TLK1: variants seen among roughly 807,000 people sequenced by gnomAD.
TLK1 encodes tousled like kinase 1.
Under a neutral mutation model 105.3 loss-of-function variants are expected in TLK1, and 24 were observed. The ratio of observed to expected loss-of-function variants is 0.23; its 90% CI spans 0.17 to 0.32. The LOEUF (loss-of-function observed/expected upper bound fraction) is 0.32, where lower values mean the gene tolerates loss of function less well. Ranked by LOEUF, TLK1 falls within the 10% of genes least tolerant of loss-of-function variation. TLK1 has a pLI of 1.00. For synonymous variants in TLK1, 321 were observed against 310.4 expected (o/e 1.03, Z -0.36); for missense variants, 558 against 910.5 (o/e 0.61, Z 4.98).
chr2:171,183,941 C>T (rs4365428), intron 1 of TLK1, among the ~76,000 whole-genome samples: 6,864 of 152,134 alleles, frequency 0.045, 455 homozygotes, highest in East Asian at 0.29. Flanking sequence ...GGATATGTTA[C>T]CTTACATAGC....
intron 5 of TLK1, among the ~76,000 whole-genome samples, chr2:171,056,855 G>C (rs115076575): frequency 0.036 from 5,412 of 151,878 alleles, 119 homozygotes; most frequent in Non-Finnish European, 0.055. Context: ...TTCCTCCAAA[G>C]CAATAAACAT....
At chr2:170,996,290 C>T (rs906881888) in intron 20 of TLK1, among the ~76,000 whole-genome samples, 3 of 152,182 alleles carry the variant, frequency 2.0e-5, no homozygotes, top group African/African-American at 4.8e-5. Context: ...TGAGCCACCA[C>T]GCCCAGCCTT....
chr2:171,033,389 TAGAG>T (rs1477441146), intron 11 of TLK1, among the ~76,000 whole-genome samples: 1 of 151,002 alleles, frequency 6.6e-6, no homozygotes, highest in Non-Finnish European at 1.5e-5. Flanking sequence ...TTCATGGAGA[TAGAG>T]AGTAGGATGA....
At chr2:171,094,805 A>C (rs922983613) in intron 2 of TLK1, among the ~76,000 whole-genome samples, 2 of 152,072 alleles carry the variant, frequency 1.3e-5, no homozygotes. Context: ...ACAGGGTTTC[A>C]CCATGTTGGT....
At chr2:171,195,554 A>AAT (rs1219684724) in intron 1 of TLK1, among the ~76,000 whole-genome samples, 1 of 151,612 alleles carries the variant, frequency 6.6e-6, no homozygotes, top group Non-Finnish European at 1.5e-5. Flanking sequence ...TCTATATTTG[A>AAT]ATATATATTA....
rs147810169 is a variant in TLK1 at position 171,075,933 on chromosome 2, G to A, written c.330+6848C>T. Among the ~76,000 whole-genome samples the A allele has an allele frequency of 3.5e-3, 534 of 152,260 alleles. 7 individuals carry two copies. In the South Asian group the frequency reaches 0.043, roughly 12 times the overall value. ...GTAGTAAGAATATTAAGAGGTGGGA[G>A]GGAGGCAGGTGCGGTGGCTCTTGCC... On this transcript the variant is annotated intron_variant, in intron 3 of 20. Transcript: ENST00000431350.
At chr2:171,069,711 T>C (rs527735929) in intron 3 of TLK1, among the ~76,000 whole-genome samples, 25 of 152,356 alleles carry the variant, frequency 1.6e-4, no homozygotes, top group African/African-American at 6.0e-4. Flanking sequence ...TTTACTTTCA[T>C]TCTGAGTTTA....
At chr2:171,190,636 C>G (rs983217369) in intron 1 of TLK1, among the ~76,000 whole-genome samples, 1 of 152,052 alleles carries the variant, frequency 6.6e-6, no homozygotes, top group Non-Finnish European at 1.5e-5. Flanking sequence ...AGAGGAAAGC[C>G]TGGATTATCT....
intron 3 of TLK1, among the ~76,000 whole-genome samples, chr2:171,078,737 C>A (rs972947476): frequency 6.6e-6 from 1 of 152,184 alleles, no homozygotes; most frequent in African/African-American, 2.4e-5. Flanking sequence ...CTTGAAAATA[C>A]TAGTTAGAAG....
intron 1 of TLK1, among the ~76,000 whole-genome samples, chr2:171,125,575 A>G (rs1690835873): frequency 6.6e-6 from 1 of 152,238 alleles, no homozygotes. Flanking sequence ...TACACCAAAC[A>G]GTAGCTTGAA....
At chr2:171,063,163 T>C (rs763347847) in intron 3 of TLK1, among the ~76,000 whole-genome samples, 10 of 152,062 alleles carry the variant, frequency 6.6e-5, no homozygotes, top group Non-Finnish European at 1.5e-4. Flanking sequence ...CTGGCCAACA[T>C]GGTGAAACCC....
intron 1 of TLK1, chr2:171,155,512 A>G (rs1167197465): frequency 6.6e-6 from 1 of 152,212 alleles, no homozygotes; most frequent in African/African-American, 2.4e-5. Context: ...TTGCAAGAAC[A>G]TTCAAAAACG....
Position 170,997,741 on chromosome 2 carries a change from T to A in TLK1, c.1987A>T (p.Ile663Phe), listed in dbSNP as rs774116091. Residue 663 changes from isoleucine to phenylalanine, a missense_variant, in exon 19 of 21, where the codon ATC becomes TTC. Physicochemically the swap from Ile to Phe is conservative, Grantham distance 21. Transcript: ENST00000431350. ...CTACCATAAAGACACTGAAAGAAGA[T>A]GACTCCAACCGACCATACATCAACC... ...NKVDVWSVGV[I>F]FFQCLYGRKP... The A allele has an allele frequency of 6.2e-7, 1 of 1,609,310 alleles. No individual in the cohort carries two copies. The highest frequency in any genetic ancestry group is 8.5e-7 in the Non-Finnish European group (1 of 1,177,286).
At chr2:171,022,084 AAAACACACACACACACACACAC>A (rs1685539860) in intron 12 of TLK1, among the ~76,000 whole-genome samples, 1 of 14,886 alleles carries the variant, frequency 6.7e-5, no homozygotes, top group Non-Finnish European at 2.2e-4. Context: ...GCCTGGGCGA[AAAACACACACACACACACACAC>A]ACACACACAC....
intron 2 of TLK1, among the ~76,000 whole-genome samples, chr2:171,093,175 AG>A (rs1358181742): frequency 6.6e-6 from 1 of 152,226 alleles, no homozygotes; most frequent in African/African-American, 2.4e-5. Context: ...ACATAACTAA[AG>A]AGTAGACACA....
chr2:171,194,492 G>A (rs1338625078), intron 1 of TLK1, among the ~76,000 whole-genome samples: 1 of 152,128 alleles, frequency 6.6e-6, no homozygotes, highest in East Asian at 1.9e-4. Context: ...AAAAAGTTCA[G>A]TGAAATAAAA....
chr2:171,177,230 C>G (rs1053120802), intron 1 of TLK1, among the ~76,000 whole-genome samples: 1 of 152,164 alleles, frequency 6.6e-6, no homozygotes, highest in East Asian at 1.9e-4. Flanking sequence ...CAGCCTTGAC[C>G]TCCTAGGCTC....
At chr2:171,066,823 T>C (rs1327172181) in intron 3 of TLK1, 13 of 1,549,794 alleles carry the variant, frequency 8.4e-6, no homozygotes, top group Non-Finnish European at 9.6e-6. Context: ...AGTTGAACTT[T>C]CTCCCCTACT....
chr2:171,202,280 C>G (rs556265333), intron 1 of TLK1, among the ~76,000 whole-genome samples: 1 of 152,026 alleles, frequency 6.6e-6, no homozygotes, highest in Non-Finnish European at 1.5e-5. Flanking sequence ...TGGAGAAACC[C>G]CATCTCTATT....
Sources: gnomAD v4.1 joint callset for allele counts (sites outside exome capture counted in the v4.1 genomes callset) on GRCh38, gnomAD v4.1.1 for gene constraint, MANE v1.5 for transcripts, NCBI Gene and HGNC (gene_info 2026-07-23, HGNC 2026-07-21) for gene names.